The following CCDC175 variants were observed in gnomAD, a reference collection of about 807,000 sequenced individuals.
The protein encoded by CCDC175 is coiled-coil domain-containing protein 175.
Under a neutral mutation model 114.6 loss-of-function variants are expected in CCDC175, and 100 were observed. The ratio of observed to expected loss-of-function variants is 0.87; its 90% CI spans 0.74 to 1.03. CCDC175 has a LOEUF of 1.03. CCDC175 is among the 50% of genes least tolerant of loss of function. CCDC175 has a pLI of 0.00. For missense variants in CCDC175, 880 were observed against 917.8 expected (o/e 0.96, Z 0.53); for synonymous variants, 306 against 308.7 (o/e 0.99, Z 0.09).
intron 7 of CCDC175, among the ~76,000 whole-genome samples, chr14:59,560,000 T>C (rs1179650825): frequency 6.6e-6 from 1 of 152,164 alleles, no homozygotes; most frequent in Non-Finnish European, 1.5e-5. Context: ...AATCCATATC[T>C]TTCACTATGA....
chr14:59,529,531 G>C (rs566240186), intron 14 of CCDC175, among the ~76,000 whole-genome samples: 1 of 152,226 alleles, frequency 6.6e-6, no homozygotes, highest in East Asian at 1.9e-4. Context: ...TTACAGCTTT[G>C]GGGGAAAGAA....
chr14:59,511,547 G>GAAAAAAAAAAAAAAAAAAAAA (rs1566591828), intron 18 of CCDC175, among the ~76,000 whole-genome samples: 1 of 2,386 alleles, frequency 4.2e-4, no homozygotes, highest in Admixed American at 5.1e-3. Flanking sequence ...GTGATATTTG[G>GAAAAAAAAAAAAAAAAAAAAA]TAAAAAAAAA....
chr14:59,515,723 C>T (rs1019542062), intron 17 of CCDC175, among the ~76,000 whole-genome samples: 4 of 152,152 alleles, frequency 2.6e-5, no homozygotes, highest in Non-Finnish European at 4.4e-5. Context: ...TAATGGGATA[C>T]TTTAACACCC....
At chr14:59,565,341 TGAG>T in intron 4 of CCDC175, 66 bp from the exon 5 acceptor site, 2 of 1,232,078 alleles carry the variant, frequency 1.6e-6, no homozygotes, top group Non-Finnish European at 2.2e-6. Context: ...GTCTGTGTGG[TGAG>T]AAGAGCCCTC....
In CCDC175 at chr14:59,565,247, G is replaced by C; in HGVS notation, c.520C>G (p.His174Asp). 1 of 1,537,320 alleles carries C rather than the reference G, an allele frequency of 6.5e-7. No homozygotes were observed. Among genetic ancestry groups the C allele is most frequent in the Non-Finnish European group, 8.7e-7 (1 of 1,146,900 alleles). Residue 174 changes from histidine to aspartate, a missense_variant, in exon 5 of 20, where the codon CAT becomes GAT. Transcript: ENST00000537690. Reference protein sequence around the residue: ...GEKQEELARKHARFVLSLNQT... With the variant: ...GEKQEELARKDARFVLSLNQT... ...TTGAGTGACAGGACAAACCTTGCAT[G>C]CTTCCTTGCTAGCTCTTCCTGCTTC...
intron 7 of CCDC175, among the ~76,000 whole-genome samples, chr14:59,557,903 G>C (rs1332880626): frequency 1.3e-5 from 2 of 152,116 alleles, no homozygotes; most frequent in Non-Finnish European, 2.9e-5. Context: ...TCCATGGAGG[G>C]ATCAGGAGAT....
At chr14:59,532,486 C>T (rs982895102) in intron 13 of CCDC175, among the ~76,000 whole-genome samples, 3 of 152,134 alleles carry the variant, frequency 2.0e-5, no homozygotes, top group African/African-American at 7.2e-5. Flanking sequence ...AGGCAGAGAC[C>T]ACCAGCTGAC....
chr14:59,561,103 A>G lies in CCDC175; in HGVS notation c.953+16T>C. 1 of 1,298,094 alleles carries G rather than the reference A, an allele frequency of 7.7e-7. No individual in the cohort carries two copies. Among genetic ancestry groups the G allele is most frequent in the Non-Finnish European group, 1.1e-6 (1 of 931,740 alleles). The allele number at this position is 1,298,094 out of a possible 1,614,324, so 80.4% of individuals were successfully genotyped here. A position where few individuals can be genotyped will look rare whatever the true frequency, so the allele number is the denominator to read the frequency against. On this transcript the variant is annotated intron_variant, in intron 7 of 19. Coordinates refer to ENST00000537690, the MANE Select transcript of CCDC175 (RefSeq NM_001164399.2). The stretch of plus-strand genomic sequence containing the variant: ...TATCTCGAAACATTTAAGTAAAAAT[A>G]AAGCATTACACTTACAGTTTCGCCT...
chr14:59,552,653 T>C (rs901638637), intron 7 of CCDC175, among the ~76,000 whole-genome samples: 1 of 151,884 alleles, frequency 6.6e-6, no homozygotes, highest in Non-Finnish European at 1.5e-5. Context: ...AGGCCACAGA[T>C]GATCAAACTT....
rs191127762 is a variant in CCDC175 at position 59,552,266 on chromosome 14, G to A, written c.954-830C>T. The stretch of plus-strand genomic sequence containing the variant: ...AACTGGCCGGGTACACCTCTGAGAC[G>A]AAGCTTGCAGAGGAATGATCAGGCA... On this transcript the variant is annotated intron_variant, in intron 7 of 19. Coordinates refer to ENST00000537690, the MANE Select transcript of CCDC175 (RefSeq NM_001164399.2). 7.2e-5 allele frequency among the ~76,000 whole-genome samples: 11 copies of A among 152,316 alleles called. No individual in the cohort carries two copies. The East Asian group carries it at 7.7e-4, about 11-fold the overall frequency.
chr14:59,557,328 A>G (rs1895963787), intron 7 of CCDC175, among the ~76,000 whole-genome samples: 1 of 152,036 alleles, frequency 6.6e-6, no homozygotes, highest in Middle Eastern at 3.2e-3. Flanking sequence ...GACATGGATG[A>G]AGCTGGAAAC....
chr14:59,563,597 G>A (rs562256134), intron 6 of CCDC175, 140 bp downstream of exon 6: 3 of 471,580 alleles, frequency 6.4e-6, no homozygotes, highest in Admixed American at 4.7e-5. Context: ...GCACCATAAC[G>A]CTTTAAAGAA....
chr14:59,561,317 C>T (rs1184129551), intron 6 of CCDC175, 89 bp from the exon 7 acceptor site: 1 of 602,396 alleles, frequency 1.7e-6, no homozygotes. Flanking sequence ...TCATGAATTA[C>T]TCATTCAACT....
intron 7 of CCDC175, among the ~76,000 whole-genome samples, chr14:59,551,791 G>T (rs1354625918): frequency 6.6e-6 from 1 of 152,190 alleles, no homozygotes; most frequent in East Asian, 1.9e-4. Context: ...TTTTCCAAGG[G>T]TCTTAGCAAA....
At chr14:59,514,592 G>A (rs553124872) in intron 17 of CCDC175, among the ~76,000 whole-genome samples, 3 of 152,194 alleles carry the variant, frequency 2.0e-5, no homozygotes, top group Non-Finnish European at 4.4e-5. Flanking sequence ...TGAATGAAAT[G>A]AAGCGAGAAG....
Position 59,538,051 on chromosome 14 carries a change from A to AT in CCDC175, c.1594dup (p.Met532AsnfsTer10), listed in dbSNP as rs1555343934. The AT allele has an allele frequency of 2.4e-5, 36 of 1,530,984 alleles. No homozygotes were observed. The highest frequency in any genetic ancestry group is 7.9e-5 in the Admixed American group (4 of 50,758). The allele number at this position is 1,530,984 out of a possible 1,614,324, so 94.8% of individuals were successfully genotyped here. On this transcript the variant is annotated frameshift_variant, in exon 13 of 20. Transcript: ENST00000537690. LOFTEE classifies it high-confidence loss of function. ...ATACTTGCTTAACTCTTTCATTAAC[A>AT]TTTTTTCTTTGTTAACAAATGCTTT...
rs1034254299 is a variant in CCDC175, at chr14:59,527,189, A to G, written c.1763-15T>C. 8 of 1,364,072 alleles carry G rather than the reference A, an allele frequency of 5.9e-6. No individual in the cohort carries two copies. In the Admixed American group the frequency reaches 9.2e-5, roughly 16 times the overall value. The allele number at this position is 1,364,072 out of a possible 1,614,324, so 84.5% of individuals were successfully genotyped here. On this transcript the variant is annotated splice_polypyrimidine_tract_variant and intron_variant, in intron 14 of 19. Transcript: ENST00000537690. ...CTGTCTTTGTGCTATTAAAACAAAGAAAAAAATAACTACCTCAAAAATTTA... is the reference window on the plus strand; with the variant it reads ...CTGTCTTTGTGCTATTAAAACAAAGGAAAAAATAACTACCTCAAAAATTTA...
Position 59,565,058 on chromosome 14 carries a change from A to C in CCDC175, c.709T>G (p.Leu237Val). 1.3e-6 allele frequency: 2 copies of C among 1,530,140 alleles called. No individual in the cohort carries two copies. Among genetic ancestry groups the C allele is most frequent in the Non-Finnish European group, 1.8e-6 (2 of 1,141,770 alleles). 94.8% of individuals were successfully genotyped at this position (1,530,140 alleles called of 1,614,324 possible). ...ATCATGCCACTTACCTGTGCAGTCAACTCTTGTTTTCTTATTAGATATTCT... is the reference window on the plus strand; with the variant it reads ...ATCATGCCACTTACCTGTGCAGTCACCTCTTGTTTTCTTATTAGATATTCT... ...RAEYLIRKQE[L>V]TAQINEFENT... Residue 237 changes from leucine to valine, a missense_variant, in exon 5 of 20, where the codon TTG becomes GTG. Physicochemically the swap from Leu to Val is conservative, Grantham distance 32. Transcript: ENST00000537690.
intron 8 of CCDC175, 145 bp downstream of exon 8, chr14:59,551,210 A>C: frequency 2.1e-6 from 1 of 486,956 alleles, no homozygotes; most frequent in East Asian, 3.4e-5. Flanking sequence ...GAGGAGATAA[A>C]ATTTTTTAAA....
Sources: gnomAD v4.1 joint callset for allele counts (sites outside exome capture counted in the v4.1 genomes callset) on GRCh38, gnomAD v4.1.1 for gene constraint, MANE v1.5 for transcripts, NCBI Gene and HGNC (gene_info 2026-07-23, HGNC 2026-07-21) for gene names.